The following ARB2A variants were observed in gnomAD, a reference collection of about 807,000 sequenced individuals.
ARB2A encodes cotranscriptional regulator ARB2A.
the ARB2A span, among the ~76,000 whole-genome samples, chr5:93,748,246 G>GAGAGTAT: frequency 6.6e-6 from 1 of 152,108 alleles, no homozygotes; most frequent in Admixed American, 6.5e-5. Flanking sequence ...GGGGTTGAAG[G>GAGAGTAT]AGAGTATAGA....
At chr5:93,761,357 C>T in the ARB2A span, among the ~76,000 whole-genome samples, 1 of 152,310 alleles carries the variant, frequency 6.6e-6, no homozygotes, top group African/African-American at 2.4e-5. Context: ...CACTCTCACC[C>T]TAATACTGTG....
the ARB2A span, among the ~76,000 whole-genome samples, chr5:93,842,442 T>C: frequency 9.7e-4 from 148 of 152,302 alleles, no homozygotes; most frequent in Middle Eastern, 3.4e-3. Flanking sequence ...AGTTCCAGCA[T>C]AGGATGGCAG....
At chr5:93,690,256 C>G in the ARB2A span, among the ~76,000 whole-genome samples, 1 of 152,158 alleles carries the variant, frequency 6.6e-6, no homozygotes, top group South Asian at 2.1e-4. Flanking sequence ...AGTGGTCTAG[C>G]TCAGTGGATC....
chr5:94,012,359 G>T, the ARB2A span, among the ~76,000 whole-genome samples: 34 of 152,340 alleles, frequency 2.2e-4, 1 homozygote, highest in African/African-American at 7.2e-4. Flanking sequence ...CAGAAATCGC[G>T]CCACTGCACT....
At chr5:93,800,078 T>C in the ARB2A span, among the ~76,000 whole-genome samples, 1 of 152,086 alleles carries the variant, frequency 6.6e-6, no homozygotes, top group African/African-American at 2.4e-5. Flanking sequence ...TATTTCTCTT[T>C]GAAAAATTTT....
chr5:94,060,692 G>C, the ARB2A span, among the ~76,000 whole-genome samples: 2 of 151,998 alleles, frequency 1.3e-5, no homozygotes, highest in African/African-American at 2.4e-5. Context: ...AACAATTCTA[G>C]ACAAAGACAG....
At chr5:93,949,670 C>A in the ARB2A span, among the ~76,000 whole-genome samples, 2 of 152,030 alleles carry the variant, frequency 1.3e-5, no homozygotes, top group Admixed American at 6.6e-5. Flanking sequence ...TCTTTCAGTT[C>A]TTTTTAAATG....
chr5:94,084,728 C>CT, the ARB2A span, among the ~76,000 whole-genome samples: 2 of 152,060 alleles, frequency 1.3e-5, no homozygotes, highest in African/African-American at 2.4e-5. Context: ...ATAACAGATC[C>CT]ATATGACACA....
At chr5:93,628,658 G>A in the ARB2A span, among the ~76,000 whole-genome samples, 7 of 152,182 alleles carry the variant, frequency 4.6e-5, no homozygotes, top group Non-Finnish European at 1.0e-4. Flanking sequence ...TTCACCTTGC[G>A]CTTTTATGTT....
At chr5:93,804,585 G>C in the ARB2A span, among the ~76,000 whole-genome samples, 4 of 151,876 alleles carry the variant, frequency 2.6e-5, no homozygotes, top group Non-Finnish European at 4.4e-5. Flanking sequence ...TTTAGCTACT[G>C]ATTTTAATTA....
the ARB2A span, among the ~76,000 whole-genome samples, chr5:93,846,568 C>T: frequency 0.8 from 122,332 of 151,988 alleles, 49,757 homozygotes; most frequent in East Asian, 0.95. Flanking sequence ...GCCTGGCAAA[C>T]AGCACATAAT....
chr5:94,062,060 A>T, the ARB2A span, among the ~76,000 whole-genome samples: 1 of 152,244 alleles, frequency 6.6e-6, no homozygotes, highest in Non-Finnish European at 1.5e-5. Context: ...AGAGTGTGGT[A>T]TTGGTAAACA....
At chr5:93,652,929 A>C in the ARB2A span, among the ~76,000 whole-genome samples, 1 of 152,192 alleles carries the variant, frequency 6.6e-6, no homozygotes, top group Non-Finnish European at 1.5e-5. Flanking sequence ...AAAAATGAGA[A>C]AGAGCATATG....
chr5:93,913,056 C>T, the ARB2A span, among the ~76,000 whole-genome samples: 1 of 151,882 alleles, frequency 6.6e-6, no homozygotes, highest in African/African-American at 2.4e-5. Flanking sequence ...AACATCTTTA[C>T]GTTTATTATT....
the ARB2A span, among the ~76,000 whole-genome samples, chr5:93,889,976 AATAAG>A: frequency 1.3e-5 from 2 of 151,974 alleles, no homozygotes. Context: ...GCAAACCAAT[AATAAG>A]ATAATTGTCT....
At chr5:93,866,648 G>C in the ARB2A span, among the ~76,000 whole-genome samples, 1 of 152,158 alleles carries the variant, frequency 6.6e-6, no homozygotes, top group African/African-American at 2.4e-5. Flanking sequence ...ATATACAGAC[G>C]GCCTACTTTA....
chr5:93,901,604 T>C, the ARB2A span, among the ~76,000 whole-genome samples: 2 of 152,232 alleles, frequency 1.3e-5, no homozygotes, highest in East Asian at 3.9e-4. Context: ...TCAATTGCAA[T>C]AATCCTCCAG....
At chr5:94,061,513 A>G in the ARB2A span, among the ~76,000 whole-genome samples, 1 of 152,326 alleles carries the variant, frequency 6.6e-6, no homozygotes. Context: ...ACATTATCCA[A>G]TTTGCAAATG....
the ARB2A span, among the ~76,000 whole-genome samples, chr5:94,096,900 G>A: frequency 6.6e-6 from 1 of 152,148 alleles, no homozygotes; most frequent in Non-Finnish European, 1.5e-5. Flanking sequence ...TCCCAGAGAA[G>A]GAGTGAGTTA....
Sources: gnomAD v4.1 joint callset for allele counts (sites outside exome capture counted in the v4.1 genomes callset) on GRCh38, gnomAD v4.1.1 for gene constraint, MANE v1.5 for transcripts, NCBI Gene and HGNC (gene_info 2026-07-23, HGNC 2026-07-21) for gene names.